FGD6: variants seen among roughly 807,000 people sequenced by gnomAD.
FGD6 encodes the protein FYVE, RhoGEF and PH domain-containing protein 6.
FGD6 carries 90 observed loss-of-function variants against 149.4 expected under a neutral mutation model. The ratio of observed to expected loss-of-function variants is 0.60; its 90% CI spans 0.51 to 0.72. The LOEUF is 0.72. Ranked by LOEUF, FGD6 falls within the 30% of genes least tolerant of loss-of-function variation. FGD6 has a pLI of 0.00. For synonymous variants in FGD6, 527 were observed against 584.0 expected, an observed-to-expected ratio of 0.90 and a Z score of 1.41; for missense variants, 1,437 against 1,684.8, an observed-to-expected ratio of 0.85 and a Z score of 2.57.
At chr12:95,085,184 G>C (rs955005450) in intron 19 of FGD6, among the ~76,000 whole-genome samples, 1 of 150,070 alleles carries the variant, frequency 6.7e-6, no homozygotes. Flanking sequence ...TCACTCAAGA[G>C]AGCTTGGCAG....
intron 12 of FGD6, 50 bp downstream of exon 12, chr12:95,107,513 A>T (rs1454602426): frequency 6.3e-7 from 1 of 1,584,770 alleles, no homozygotes; most frequent in Middle Eastern, 1.7e-4. Flanking sequence ...TCCTTTCCTT[A>T]AGCAACTATC....
chr12:95,205,805 T>C (rs1354194562), intron 2 of FGD6, among the ~76,000 whole-genome samples: 6 of 152,218 alleles, frequency 3.9e-5, no homozygotes, highest in African/African-American at 1.4e-4. Context: ...GGGCTTTTGA[T>C]TCCTCTGGCA....
chr12:95,112,809 T>G (rs1878873763), intron 9 of FGD6, among the ~76,000 whole-genome samples: 1 of 152,204 alleles, frequency 6.6e-6, no homozygotes, highest in African/African-American at 2.4e-5. Flanking sequence ...TTGTAATGGA[T>G]TGTTTCCCTT....
intron 5 of FGD6, among the ~76,000 whole-genome samples, chr12:95,145,567 C>T (rs999845786): frequency 1.2e-4 from 18 of 152,300 alleles, no homozygotes; most frequent in Middle Eastern, 3.4e-3. Context: ...CATCCACTAA[C>T]GCCCACTTTG....
Position 95,209,785 on chromosome 12 carries a change from T to C in FGD6, c.1499A>G (p.Gln500Arg). The change falls in exon 2 of 21, where the codon CAA becomes CGA. Residue 500 changes from glutamine to arginine, a missense_variant. By Grantham distance (43) the Gln-to-Arg change is conservative (BLOSUM62 1). Coordinates refer to ENST00000343958, the MANE Select transcript of FGD6 (RefSeq NM_018351.4). ...TCCTGTAGCAGGCAAGCTATGTCTTTGAGGTTTTTTGGGGACAATTCGTAG... is the reference window on the plus strand; with the variant it reads ...TCCTGTAGCAGGCAAGCTATGTCTTCGAGGTTTTTTGGGGACAATTCGTAG... ...NSLRIVPKKP[Q>R]RHSLPATGVL... is the part of the protein sequence containing the mutation. 6.2e-7 allele frequency: 1 copy of C among 1,612,154 alleles called. No homozygotes were observed. The highest frequency in any genetic ancestry group is 8.5e-7 in the Non-Finnish European group (1 of 1,179,632).
chr12:95,124,826 C>T (rs1271143125), intron 8 of FGD6, among the ~76,000 whole-genome samples: 1 of 152,146 alleles, frequency 6.6e-6, no homozygotes, highest in East Asian at 1.9e-4. Flanking sequence ...GTGACTTTAT[C>T]ACCACAGATA....
chr12:95,082,629 C>A (rs556952565), intron 20 of FGD6, among the ~76,000 whole-genome samples: 227 of 140,998 alleles, frequency 1.6e-3, no homozygotes, highest in Non-Finnish European at 2.9e-3. Flanking sequence ...TGAACTCCAG[C>A]CTGGGCAACA....
At chr12:95,082,012 A>G (rs923110329) in intron 20 of FGD6, among the ~76,000 whole-genome samples, 1 of 152,038 alleles carries the variant, frequency 6.6e-6, no homozygotes, top group Non-Finnish European at 1.5e-5. Context: ...TTCTGCATAC[A>G]TGGAACTACC....
intron 2 of FGD6, among the ~76,000 whole-genome samples, chr12:95,205,508 TAAAC>T (rs1329844044): frequency 6.6e-6 from 1 of 152,206 alleles, no homozygotes; most frequent in Non-Finnish European, 1.5e-5. Flanking sequence ...AGAAAAATCT[TAAAC>T]AGAGTTCATT....
At chr12:95,122,078 A>G (rs531285709) in intron 8 of FGD6, among the ~76,000 whole-genome samples, 1 of 152,306 alleles carries the variant, frequency 6.6e-6, no homozygotes, top group African/African-American at 2.4e-5. Context: ...ATGCCTTAGA[A>G]TATGTATGCA....
intron 14 of FGD6, among the ~76,000 whole-genome samples, chr12:95,104,793 G>T (rs1260658208): frequency 6.6e-6 from 1 of 151,724 alleles, no homozygotes; most frequent in Non-Finnish European, 1.5e-5. Context: ...CATGCCTGTG[G>T]TCCCAGCTAC....
chr12:95,092,672 A>G (rs1002850277), intron 16 of FGD6, 27 bp downstream of exon 16: 4 of 1,611,934 alleles, frequency 2.5e-6, no homozygotes, highest in South Asian at 1.1e-5. Context: ...AAAGACCACA[A>G]TGGAGATGGG....
chr12:95,205,649 T>C (rs1165858212), intron 2 of FGD6, among the ~76,000 whole-genome samples: 1 of 152,210 alleles, frequency 6.6e-6, no homozygotes, highest in East Asian at 1.9e-4. Flanking sequence ...TCACCTGAAA[T>C]GTATGCCTCA....
chr12:95,189,409 A>G (rs2136292843), intron 2 of FGD6: 1 of 152,448 alleles, frequency 6.6e-6, no homozygotes, highest in South Asian at 2.1e-4. Flanking sequence ...GCACTTTGGG[A>G]AGCCGATGAG....
intron 18 of FGD6, 41 bp downstream of exon 18, chr12:95,089,528 T>G (rs1161338565): frequency 3.1e-6 from 5 of 1,603,854 alleles, no homozygotes; most frequent in Non-Finnish European, 4.3e-6. Context: ...ATATGAATAA[T>G]TCAGCCTCTA....
rs557445323 is a variant in FGD6 at position 95,080,784 on chromosome 12, A to G, written c.*736T>C. 14 of 152,330 alleles carry G rather than the reference A, an allele frequency of 9.2e-5. 1 individual carries two copies. In the South Asian group the frequency reaches 2.7e-3, roughly 29 times the overall value. The allele number at this position is 152,330 out of a possible 1,614,324, so 9.4% of individuals were successfully genotyped here. A position where few individuals can be genotyped will look rare whatever the true frequency, so the allele number is the denominator to read the frequency against. ...AGTGGTAGATTTTTTAAAAGATTGG[A>G]CTTAAAAGCCGGAAGAGTTGGTTAT... On this transcript the variant is annotated 3_prime_UTR_variant, in exon 21 of 21. Coordinates refer to ENST00000343958, the MANE Select transcript of FGD6 (RefSeq NM_018351.4).
rs910229524 is a variant in FGD6 at position 95,080,815 on chromosome 12, G to C, written c.*705C>G. The C allele has an allele frequency of 2.0e-5, 3 of 152,080 alleles. No individual in the cohort carries two copies. Among genetic ancestry groups the C allele is most frequent in the African/African-American group, 7.2e-5 (3 of 41,416 alleles). The allele number at this position is 152,080 out of a possible 1,614,324, so 9.4% of individuals were successfully genotyped here. ...AAGCCGGAAGAGTTGGTTATTTGTG[G>C]TATTCTGCAAATAAAAACATCTTCA... On this transcript the variant is annotated 3_prime_UTR_variant, in exon 21 of 21. Transcript: ENST00000343958.
chr12:95,204,153 A>T (rs2136300609), intron 2 of FGD6, among the ~76,000 whole-genome samples: 1 of 152,340 alleles, frequency 6.6e-6, no homozygotes, highest in East Asian at 1.9e-4. Context: ...ACTACCAACA[A>T]AACTGCCTCT....
chr12:95,106,333 C>T (rs1011217713), intron 13 of FGD6, among the ~76,000 whole-genome samples: 8 of 148,532 alleles, frequency 5.4e-5, no homozygotes, highest in African/African-American at 1.5e-4. Context: ...TGTAGTCGCG[C>T]GAGCTCAGCT....
Sources: allele counts gnomAD v4.1 joint callset (sites outside exome capture counted in the v4.1 genomes callset), GRCh38; gene constraint gnomAD v4.1.1; transcripts MANE v1.5; gene names NCBI Gene and HGNC (gene_info 2026-07-23, HGNC 2026-07-21).